UBE3B: variants seen among roughly 807,000 people sequenced by gnomAD.
The protein encoded by UBE3B is ubiquitin protein ligase E3B.
In UBE3B, 80 loss-of-function variants were observed where a neutral mutation model predicts 132.3. That is an observed-to-expected ratio of 0.60 (90% CI 0.50 to 0.73). The LOEUF (loss-of-function observed/expected upper bound fraction) is 0.73. Among genes scored for constraint, UBE3B ranks in the 30% least tolerant of loss-of-function variants. The probability of loss-of-function intolerance (pLI) is 0.00; values close to 1 mark genes in which losing one functional copy is unlikely to be tolerated. For missense variants in UBE3B, 1,196 were observed against 1,362.5 expected, an observed-to-expected ratio of 0.88 and a Z score of 1.92; for synonymous variants, 487 against 520.4, an observed-to-expected ratio of 0.94 and a Z score of 0.87.
chr12:109,484,081 T>C (rs7296040), intron 4 of UBE3B, 100 bp downstream of exon 4: 36,890 of 1,258,778 alleles, frequency 0.029, 2,529 homozygotes, highest in African/African-American at 0.24. Flanking sequence ...ATGAGGTAAT[T>C]ACTGTCACCC....
intron 23 of UBE3B, 130 bp downstream of exon 23, chr12:109,524,633 C>G (rs1303445786): frequency 1.0e-6 from 1 of 956,154 alleles, no homozygotes; most frequent in Non-Finnish European, 1.6e-6. Flanking sequence ...CTCCCCACCC[C>G]TCGCCCATCC....
chr12:109,543,459 G>T, the UBE3B span, among the ~76,000 whole-genome samples: 25,515 of 152,172 alleles, frequency 0.17, 2,203 homozygotes, highest in African/African-American at 0.18. Flanking sequence ...CTAGAGTGAA[G>T]GAGGTAATAG....
At chr12:109,510,202 C>CTT in intron 16 of UBE3B, 142 bp from the exon 17 acceptor site, 1 of 685,280 alleles carries the variant, frequency 1.5e-6, no homozygotes, top group Non-Finnish European at 2.4e-6. Flanking sequence ...CCCAGGGTGC[C>CTT]TTTTAATTCT....
chr12:109,503,839 C>T (rs1470940854), intron 14 of UBE3B, among the ~76,000 whole-genome samples: 1 of 152,184 alleles, frequency 6.6e-6, no homozygotes, highest in Non-Finnish European at 1.5e-5. Context: ...ACCGTGGAAG[C>T]CTTTTATTAC....
chr12:109,539,104 C>T (rs917263306), downstream of UBE3B, among the ~76,000 whole-genome samples: 4 of 152,132 alleles, frequency 2.6e-5, no homozygotes, highest in African/African-American at 7.2e-5. Context: ...GGTGTGGTGG[C>T]GCACACCTGT....
rs201336062 is a variant in UBE3B, at chr12:109,486,580, CAA to C, written c.447+27_447+28del. The C allele has an allele frequency of 0.056, 30,872 of 551,122 alleles. 16 individuals carry two copies. The highest frequency in any genetic ancestry group is 0.085 in the Middle Eastern group (127 of 1,486). The allele number at this position is 551,122 out of a possible 1,614,324, so 34.1% of individuals were successfully genotyped here. ...GATTTTCTCAAGCAGCTCAAGGTAA[CAA>C]AAAAAAAAAAAAAAAAAAAAAGCAA... On this transcript the variant is annotated splice_donor_region_variant and intron_variant, in intron 6 of 27. Transcript: ENST00000342494.
In UBE3B at chr12:109,526,335, A is replaced by AT. The variant is rs201326766; in HGVS notation, c.2569-21dup. On this transcript the variant is annotated intron_variant, in intron 23 of 27. Coordinates refer to ENST00000342494, the MANE Select transcript of UBE3B (RefSeq NM_130466.4). ...TTCCCCATTAGAGTCCTCCCTATTA[A>AT]TTACTCCCATCTTCTCCCCCAGCTT... The AT allele has an allele frequency of 9.6e-4, 1,556 of 1,613,540 alleles. 11 individuals are homozygous for AT. In the African/African-American group the frequency reaches 0.018, roughly 19 times the overall value.
At chr12:109,485,925 C>T in intron 4 of UBE3B, 87 bp from the exon 5 acceptor site, 1 of 1,452,186 alleles carries the variant, frequency 6.9e-7, no homozygotes. Flanking sequence ...CCTGCACGTG[C>T]CAGGTACCCG....
chr12:109,495,900 C>T (rs1342978494), intron 9 of UBE3B, among the ~76,000 whole-genome samples: 2 of 152,216 alleles, frequency 1.3e-5, no homozygotes, highest in African/African-American at 4.8e-5. Context: ...GTGGGCATCA[C>T]GGCCATCACG....
chr12:109,524,485 CGAG>C lies in UBE3B; in HGVS notation c.2553_2555del (p.Glu851del). ...ACCTGGGCCTGACGCTGTCTTACGA[CGAG>C]GACGTCATGGGTCAGGTAGGTCCGC... On this transcript the variant is annotated inframe_deletion, in exon 23 of 28. Coordinates refer to ENST00000342494, the MANE Select transcript of UBE3B (RefSeq NM_130466.4). The C allele has an allele frequency of 6.2e-7, 1 of 1,614,176 alleles. No homozygotes were observed. The highest frequency in any genetic ancestry group is 8.5e-7 in the Non-Finnish European group (1 of 1,180,020).
intron 14 of UBE3B, among the ~76,000 whole-genome samples, chr12:109,505,434 T>C (rs1879540052): frequency 6.6e-6 from 1 of 152,244 alleles, no homozygotes; most frequent in Admixed American, 6.5e-5. Flanking sequence ...ATGAGTCCTT[T>C]ACACAGAACT....
intron 11 of UBE3B, among the ~76,000 whole-genome samples, chr12:109,498,739 G>A (rs896334620): frequency 2.6e-5 from 4 of 152,138 alleles, no homozygotes; most frequent in African/African-American, 9.7e-5. Flanking sequence ...CATTGTAGAT[G>A]GAAGAAAGGG....
At chr12:109,484,076 G>A in intron 4 of UBE3B, 95 bp downstream of exon 4, 1 of 1,299,878 alleles carries the variant, frequency 7.7e-7, no homozygotes. Context: ...GCTTTATGAG[G>A]TAATTACTGT....
intron 15 of UBE3B, chr12:109,508,661 T>C: frequency 7.1e-6 from 7 of 985,590 alleles, no homozygotes; most frequent in Non-Finnish European, 8.4e-6. Flanking sequence ...CACTGAGCAG[T>C]TGGAGGCAAG....
intron 21 of UBE3B, among the ~76,000 whole-genome samples, chr12:109,523,077 G>A (rs901728909): frequency 7.2e-5 from 11 of 152,120 alleles, no homozygotes; most frequent in African/African-American, 1.9e-4. Flanking sequence ...TTGTGCTGAC[G>A]AGAGAAGATG....
intron 11 of UBE3B, among the ~76,000 whole-genome samples, chr12:109,498,758 T>C (rs1047302007): frequency 6.6e-6 from 1 of 152,120 alleles, no homozygotes; most frequent in Admixed American, 6.6e-5. Flanking sequence ...GGTTTATGAA[T>C]AGAAGCATTT....
At chr12:109,481,977 G>A (rs1875532849) in intron 2 of UBE3B, among the ~76,000 whole-genome samples, 1 of 152,190 alleles carries the variant, frequency 6.6e-6, no homozygotes, top group Non-Finnish European at 1.5e-5. Flanking sequence ...ACAGATCACT[G>A]TTGAGAAGGG....
In UBE3B at chr12:109,477,740, G is replaced by C. The variant is rs1874532915; in HGVS notation, c.-497G>C. The C allele has an allele frequency of 5.9e-6, 1 of 168,998 alleles. No homozygotes were observed. Among genetic ancestry groups the C allele is most frequent in the South Asian group, 1.1e-4 (1 of 9,134 alleles). The allele number at this position is 168,998 out of a possible 1,614,324, so 10.5% of individuals were successfully genotyped here. On this transcript the variant is annotated 5_prime_UTR_variant, in exon 1 of 28. Coordinates refer to ENST00000342494, the MANE Select transcript of UBE3B (RefSeq NM_130466.4). ...GTGGCAGCTGCGGCCCCGACCCCAA[G>C]TGCGGGGACCTCCGGCGAATAAAGG...
intron 2 of UBE3B, among the ~76,000 whole-genome samples, chr12:109,482,266 G>T (rs1543896): frequency 0.57 from 86,613 of 151,820 alleles, 25,780 homozygotes; most frequent in African/African-American, 0.73. Context: ...GGGCTTTTAG[G>T]GCACCCATCA....
Sources: gnomAD v4.1 joint callset for allele counts (sites outside exome capture counted in the v4.1 genomes callset) on GRCh38, gnomAD v4.1.1 for gene constraint, MANE v1.5 for transcripts, NCBI Gene and HGNC (gene_info 2026-07-23, HGNC 2026-07-21) for gene names.